Variants in FTCDNL1 observed in about 807,000 individuals in gnomAD.
FTCDNL1 encodes formiminotransferase cyclodeaminase N-terminal like, also known as formiminotransferase N-terminal subdomain-containing protein.
A neutral mutation model predicts 5.9 loss-of-function variants in FTCDNL1; 11 were observed. The observed-to-expected ratio is 1.87, with a 90% CI of 1.18 to 3.10. The LOEUF is 3.10. Ranked by LOEUF, FTCDNL1 falls within the 30% of genes most tolerant of loss-of-function variation. The pLI, the probability that FTCDNL1 is intolerant of heterozygous loss-of-function variation, is 0.00. For synonymous variants in FTCDNL1, 58 were observed against 24.8 expected, an observed-to-expected ratio of 2.34 and a Z score of -3.99; for missense variants, 115 against 65.5, an observed-to-expected ratio of 1.76 and a Z score of -2.61.
At position 199,811,471 on chromosome 2, in the gene FTCDNL1, C is replaced by T. The variant is rs1051379039; in HGVS notation, c.*1234G>A. Among the ~76,000 whole-genome samples, 2 of 152,188 alleles carry T rather than the reference C, an allele frequency of 1.3e-5. No individual in the cohort carries two copies. Among genetic ancestry groups the T allele is most frequent in the Non-Finnish European group, 2.9e-5 (2 of 68,044 alleles). ...TCAGGTTTTGCTGAAGAGTATATAA[C>T]ACTGGGGGTTACATCAGCATGACTA... On this transcript the variant is annotated 3_prime_UTR_variant, in exon 5 of 5. Coordinates refer to ENST00000420128, the MANE Select transcript of FTCDNL1 (RefSeq NM_001363886.2).
chr2:199,775,489 C>T (rs999477953), intron 3 of FTCDNL1, among the ~76,000 whole-genome samples: 6 of 152,180 alleles, frequency 3.9e-5, no homozygotes, highest in Admixed American at 1.3e-4. Context: ...AGGCCAGGAG[C>T]AATTTCCTGT....
At chr2:199,846,573 T>G (rs2076738859) in intron 2 of FTCDNL1, among the ~76,000 whole-genome samples, 1 of 152,168 alleles carries the variant, frequency 6.6e-6, no homozygotes, top group African/African-American at 2.4e-5. Context: ...GAAACTAAAC[T>G]GTTTGGGTCA....
At chr2:199,826,779 G>A (rs1439547427) in intron 3 of FTCDNL1, among the ~76,000 whole-genome samples, 1 of 152,164 alleles carries the variant, frequency 6.6e-6, no homozygotes, top group African/African-American at 2.4e-5. Flanking sequence ...GGGTGACAGA[G>A]CAAGACTCCG....
At chr2:199,740,094 C>CT in the FTCDNL1 span, among the ~76,000 whole-genome samples, 1 of 152,188 alleles carries the variant, frequency 6.6e-6, no homozygotes, top group Non-Finnish European at 1.5e-5. Context: ...ATTACCGCAC[C>CT]TTTTTTCACT....
chr2:199,775,876 G>A (rs756676291), intron 3 of FTCDNL1, among the ~76,000 whole-genome samples: 27 of 151,616 alleles, frequency 1.8e-4, no homozygotes, highest in Non-Finnish European at 3.2e-4. Context: ...TAAAGAAACC[G>A]GGGCTCAGAG....
At position 199,824,624 on chromosome 2, in the gene FTCDNL1, T is replaced by C. The variant is rs146026243; in HGVS notation, c.212-4867A>G. Among the ~76,000 whole-genome samples the C allele has an allele frequency of 8.5e-5, 13 of 152,336 alleles. No individual in the cohort carries two copies. The East Asian group carries it at 2.5e-3, about 29-fold the overall frequency. ...AAATAAAAGATGTGAGACTATTCCT[T>C]TCACTTGAACACTTAAAGGCCATTG... On this transcript the variant is annotated intron_variant, in intron 3 of 4. Transcript: ENST00000420128.
the FTCDNL1 span, among the ~76,000 whole-genome samples, chr2:199,703,015 T>G: frequency 0.021 from 2,431 of 117,396 alleles, 69 homozygotes; most frequent in African/African-American, 0.063. Context: ...ACTCTGGGTT[T>G]GTTTGTTTGT....
rs139966502 is a variant in FTCDNL1, at chr2:199,773,151, T to C, written c.212-12316A>G. 1.6e-4 allele frequency among the ~76,000 whole-genome samples: 24 copies of C among 152,278 alleles called. 1 individual carries two copies. The highest frequency in any genetic ancestry group is 5.8e-4 in the African/African-American group (24 of 41,558). On this transcript the variant is annotated intron_variant, in intron 3 of 3. Coordinates refer to the FTCDNL1 transcript ENST00000416668. Reference sequence around the variant, plus strand: ...CCTTTTATTTATTATCTTGTTGTAATAGGGGTGGGGACAGTTTCAAATTCT... The same window carrying C: ...CCTTTTATTTATTATCTTGTTGTAACAGGGGTGGGGACAGTTTCAAATTCT...
downstream of FTCDNL1, among the ~76,000 whole-genome samples, chr2:199,758,702 A>G (rs575694398): frequency 6.6e-6 from 1 of 152,344 alleles, no homozygotes; most frequent in Admixed American, 6.5e-5. Context: ...TTCTTGGACC[A>G]CTAGCATACG....
At chr2:199,698,789 A>G in the FTCDNL1 span, among the ~76,000 whole-genome samples, 3 of 152,314 alleles carry the variant, frequency 2.0e-5, no homozygotes, top group African/African-American at 7.2e-5. Context: ...AACTGAACAA[A>G]ATGGGGCAAG....
intron 2 of FTCDNL1, among the ~76,000 whole-genome samples, chr2:199,846,626 C>T (rs812179): frequency 0.039 from 5,959 of 152,190 alleles, 249 homozygotes; most frequent in South Asian, 0.091. Context: ...AATTAGTGCC[C>T]AGAGCAGAGG....
At chr2:199,682,718 A>C in the FTCDNL1 span, among the ~76,000 whole-genome samples, 1 of 152,242 alleles carries the variant, frequency 6.6e-6, no homozygotes, top group Non-Finnish European at 1.5e-5. Flanking sequence ...TGTTTAATTG[A>C]GTGATGATAA....
chr2:199,811,463 G>A lies in FTCDNL1; in HGVS notation c.*1242C>T, dbSNP rs934222569. Among the ~76,000 whole-genome samples, 1 of 152,214 alleles carries A rather than the reference G, an allele frequency of 6.6e-6. No homozygotes were observed. Among genetic ancestry groups the A allele is most frequent in the African/African-American group, 2.4e-5 (1 of 41,458 alleles). On this transcript the variant is annotated 3_prime_UTR_variant, in exon 5 of 5. Coordinates refer to ENST00000420128, the MANE Select transcript of FTCDNL1 (RefSeq NM_001363886.2). ...GATCACACTCAGGTTTTGCTGAAGA[G>A]TATATAACACTGGGGGTTACATCAG...
chr2:199,796,337 A>G (rs1169146806), intron 3 of FTCDNL1, among the ~76,000 whole-genome samples: 1 of 152,196 alleles, frequency 6.6e-6, no homozygotes, highest in Admixed American at 6.5e-5. Flanking sequence ...GTATCATATT[A>G]AGTAATGAAC....
chr2:199,750,256 G>A, the FTCDNL1 span, among the ~76,000 whole-genome samples: 2 of 151,992 alleles, frequency 1.3e-5, no homozygotes, highest in African/African-American at 4.8e-5. Context: ...TACTCAGGAG[G>A]CTGAGGTGGG....
the FTCDNL1 span, among the ~76,000 whole-genome samples, chr2:199,719,406 C>T: frequency 6.6e-6 from 1 of 152,212 alleles, no homozygotes; most frequent in Non-Finnish European, 1.5e-5. Flanking sequence ...ATATCACTAC[C>T]ATGCTGTTTT....
the FTCDNL1 span, among the ~76,000 whole-genome samples, chr2:199,674,319 C>G: frequency 6.6e-6 from 1 of 151,986 alleles, no homozygotes; most frequent in Non-Finnish European, 1.5e-5. Flanking sequence ...GGGAGACAAC[C>G]CCATGAATGA....
chr2:199,818,432 T>C (rs1701483397), intron 4 of FTCDNL1: 1 of 152,196 alleles, frequency 6.6e-6, no homozygotes, highest in African/African-American at 2.4e-5. Flanking sequence ...TAGTACTGTG[T>C]TGGGCACTTT....
chr2:199,756,171 C>T, downstream of FTCDNL1, among the ~76,000 whole-genome samples: 1 of 152,126 alleles, frequency 6.6e-6, no homozygotes, highest in East Asian at 1.9e-4. Context: ...TCAACATGAA[C>T]AGTAGTGCAG....
Sources: gnomAD v4.1 joint callset for allele counts (sites outside exome capture counted in the v4.1 genomes callset) on GRCh38, gnomAD v4.1.1 for gene constraint, MANE v1.5 for transcripts, NCBI Gene and HGNC (gene_info 2026-07-23, HGNC 2026-07-21) for gene names.